STARD13: variants seen among roughly 807,000 people sequenced by gnomAD.
STARD13 encodes the protein StAR related lipid transfer domain containing 13.
Under a neutral mutation model 106.4 loss-of-function variants are expected in STARD13, and 62 were observed. That is an observed-to-expected ratio of 0.58 (90% confidence interval 0.48 to 0.72). The LOEUF (loss-of-function observed/expected upper bound fraction) is 0.72. STARD13 is among the 30% of genes least tolerant of loss of function. The probability of loss-of-function intolerance (pLI) is 0.00; values close to 1 mark genes in which losing one functional copy is unlikely to be tolerated. For synonymous variants in STARD13, 565 were observed against 553.0 expected (o/e 1.02, Z -0.31); for missense variants, 1,387 against 1,424.0 (o/e 0.97, Z 0.42).
At chr13:33,420,518 C>A in the STARD13 span, among the ~76,000 whole-genome samples, 40 of 152,192 alleles carry the variant, frequency 2.6e-4, no homozygotes, top group Non-Finnish European at 4.6e-4. Context: ...GACTTTAACA[C>A]CCCACTGTCA....
At chr13:33,527,205 C>A in the STARD13 span, among the ~76,000 whole-genome samples, 1 of 151,762 alleles carries the variant, frequency 6.6e-6, no homozygotes. Context: ...GAATGTAATC[C>A]CTGATTTTTC....
intron 1 of STARD13, among the ~76,000 whole-genome samples, chr13:33,239,124 C>T (rs536716330): frequency 8.1e-4 from 123 of 151,990 alleles, no homozygotes; most frequent in Non-Finnish European, 1.4e-3. Flanking sequence ...GGAATCATGT[C>T]GAATTTGTCT....
intron 1 of STARD13, among the ~76,000 whole-genome samples, chr13:33,317,542 C>G (rs1893386550): frequency 6.6e-6 from 1 of 152,136 alleles, no homozygotes; most frequent in Non-Finnish European, 1.5e-5. Flanking sequence ...AACACTCATC[C>G]CCCTGATCTA....
chr13:33,504,319 G>T, the STARD13 span, among the ~76,000 whole-genome samples: 2 of 151,932 alleles, frequency 1.3e-5, no homozygotes, highest in African/African-American at 4.8e-5. Context: ...TGTTTATTGC[G>T]GCACTAGTCA....
the STARD13 span, among the ~76,000 whole-genome samples, chr13:33,405,152 C>T: frequency 5.3e-5 from 8 of 152,298 alleles, no homozygotes; most frequent in African/African-American, 1.9e-4. Context: ...GCACACAATC[C>T]CCGCCTCCTC....
chr13:33,612,894 T>C, the STARD13 span, among the ~76,000 whole-genome samples: 1 of 152,242 alleles, frequency 6.6e-6, no homozygotes. Flanking sequence ...GATAATCTGT[T>C]ATGCAAGTAA....
the STARD13 span, among the ~76,000 whole-genome samples, chr13:33,522,983 C>G: frequency 1.8e-4 from 28 of 152,244 alleles, no homozygotes; most frequent in Middle Eastern, 3.4e-3. Context: ...ATTCCATGTT[C>G]AATCATGGCA....
the STARD13 span, among the ~76,000 whole-genome samples, chr13:33,601,884 C>T: frequency 6.6e-4 from 101 of 152,278 alleles, no homozygotes; most frequent in African/African-American, 2.4e-3. Flanking sequence ...CCTGAGGATG[C>T]TGCGATCTCT....
the STARD13 span, among the ~76,000 whole-genome samples, chr13:33,372,578 A>C: frequency 3.3e-5 from 5 of 151,878 alleles, no homozygotes; most frequent in African/African-American, 1.2e-4. Context: ...TTATTCAAAG[A>C]GGTTTTATGT....
At chr13:33,247,400 G>A (rs1162314155) in intron 1 of STARD13, among the ~76,000 whole-genome samples, 1 of 152,010 alleles carries the variant, frequency 6.6e-6, no homozygotes, top group Admixed American at 6.6e-5. Context: ...ACTGTGCTCA[G>A]ATGATGGACA....
At chr13:33,448,864 T>C in the STARD13 span, among the ~76,000 whole-genome samples, 1 of 152,190 alleles carries the variant, frequency 6.6e-6, no homozygotes, top group African/African-American at 2.4e-5. Context: ...CTTTTTTTCA[T>C]ATATTTCTTG....
At chr13:33,610,021 T>C in the STARD13 span, among the ~76,000 whole-genome samples, 1 of 152,096 alleles carries the variant, frequency 6.6e-6, no homozygotes, top group African/African-American at 2.4e-5. Flanking sequence ...ATAATTGTTT[T>C]TATTGAAAAG....
Position 33,209,604 on chromosome 13 carries a change from A to C in STARD13, c.170-41982T>G, listed in dbSNP as rs73465031. The stretch of plus-strand genomic sequence containing the variant: ...CTGGTCGTCAGTCCTGCCATCCTTA[A>C]GTGAGGGACCGATATTTCAATCATC... On this transcript the variant is annotated intron_variant, in intron 1 of 13. Transcript: ENST00000336934. Among the ~76,000 whole-genome samples the C allele has an allele frequency of 1.9e-3, 294 of 152,294 alleles. 2 individuals carry two copies. Among genetic ancestry groups the C allele is most frequent in the African/African-American group, 6.7e-3 (278 of 41,554 alleles).
chr13:33,271,620 T>A, intron 1 of STARD13: 1 of 152,196 alleles, frequency 6.6e-6, no homozygotes, highest in East Asian at 1.9e-4. Flanking sequence ...CCCTTGGGAA[T>A]CCTGATGCCT....
the STARD13 span, among the ~76,000 whole-genome samples, chr13:33,465,198 CTTCTTTTTTTT>C: frequency 1.4e-5 from 2 of 140,270 alleles, no homozygotes; most frequent in East Asian, 2.1e-4. Flanking sequence ...AATTGGTCTT[CTTCTTTTTTTT>C]TTTTTTTTTT....
chr13:33,135,253 A>G (rs1033174508), intron 4 of STARD13, among the ~76,000 whole-genome samples: 1 of 152,224 alleles, frequency 6.6e-6, no homozygotes, highest in Non-Finnish European at 1.5e-5. Context: ...TTGCTCTTTA[A>G]TGAGGTAGAT....
chr13:33,598,652 AAT>A, the STARD13 span, among the ~76,000 whole-genome samples: 4 of 152,378 alleles, frequency 2.6e-5, no homozygotes, highest in East Asian at 7.7e-4. Flanking sequence ...TTTTATGGAA[AAT>A]ATGAGTGAAG....
chr13:33,463,907 A>G, the STARD13 span, among the ~76,000 whole-genome samples: 1 of 151,868 alleles, frequency 6.6e-6, no homozygotes, highest in Non-Finnish European at 1.5e-5. Context: ...AGCTATCAGG[A>G]GGCTGAAGCC....
chr13:33,196,788 C>G (rs576105126), intron 1 of STARD13, among the ~76,000 whole-genome samples: 2 of 152,298 alleles, frequency 1.3e-5, no homozygotes, highest in East Asian at 3.9e-4. Context: ...TCCCTTACTC[C>G]TAGTACTGGC....
Sources: gnomAD v4.1 joint callset for allele counts (sites outside exome capture counted in the v4.1 genomes callset) on GRCh38, gnomAD v4.1.1 for gene constraint, MANE v1.5 for transcripts, NCBI Gene and HGNC (gene_info 2026-07-23, HGNC 2026-07-21) for gene names.